ITPR2: variants seen among roughly 807,000 people sequenced by gnomAD.
ITPR2 encodes inositol 1,4,5-trisphosphate receptor type 2, also known as inositol 1,4,5-trisphosphate-gated calcium channel ITPR2.
Under a neutral mutation model 317.1 loss-of-function variants are expected in ITPR2, and 207 were observed. The ratio of observed to expected loss-of-function variants is 0.65; its 90% CI spans 0.58 to 0.73. The LOEUF (loss-of-function observed/expected upper bound fraction) is 0.73, where lower values mean the gene tolerates loss of function less well. ITPR2 is among the 30% of genes least tolerant of loss of function. The pLI is 0.00. For missense variants in ITPR2, 2,613 were observed against 3,284.0 expected, an observed-to-expected ratio of 0.80 and a Z score of 4.99; for synonymous variants, 1,156 against 1,149.1, an observed-to-expected ratio of 1.01 and a Z score of -0.12.
intron 9 of ITPR2, 24 bp downstream of exon 9, chr12:26,711,149 T>C: frequency 6.6e-7 from 1 of 1,520,622 alleles, no homozygotes; most frequent in Non-Finnish European, 9.1e-7. Context: ...AGAAACTTAA[T>C]ACCACTTTAT....
chr12:26,644,008 T>A (rs1049740018), intron 21 of ITPR2, among the ~76,000 whole-genome samples: 10 of 152,172 alleles, frequency 6.6e-5, no homozygotes, highest in African/African-American at 2.4e-4. Context: ...AGATGCTATT[T>A]ATCATGACAA....
At chr12:26,703,725 A>G (rs1249955113) in intron 9 of ITPR2, among the ~76,000 whole-genome samples, 1 of 152,210 alleles carries the variant, frequency 6.6e-6, no homozygotes, top group African/African-American at 2.4e-5. Context: ...TCTGTAAACT[A>G]AAATTATTGG....
At chr12:26,396,690 G>A (rs187253225) in intron 54 of ITPR2, among the ~76,000 whole-genome samples, 9 of 152,300 alleles carry the variant, frequency 5.9e-5, no homozygotes, top group Admixed American at 5.2e-4. Context: ...AGTCTCCAGC[G>A]AAGACTCAAT....
chr12:26,462,550 G>A (rs1375999279), intron 45 of ITPR2, among the ~76,000 whole-genome samples: 5 of 152,042 alleles, frequency 3.3e-5, no homozygotes, highest in South Asian at 2.1e-4. Flanking sequence ...TGATATTATA[G>A]TACTGGATCT....
intron 41 of ITPR2, among the ~76,000 whole-genome samples, chr12:26,484,793 G>GC (rs748211113): frequency 7.2e-5 from 11 of 152,018 alleles, no homozygotes; most frequent in Non-Finnish European, 1.5e-4. Context: ...CTCACTGCAA[G>GC]CTCCGCCTCC....
At chr12:26,471,792 GCA>G (rs922149978) in intron 45 of ITPR2, among the ~76,000 whole-genome samples, 1 of 152,200 alleles carries the variant, frequency 6.6e-6, no homozygotes, top group African/African-American at 2.4e-5. Flanking sequence ...AAACCAATTT[GCA>G]CAGTCATTTG....
At chr12:26,609,062 C>T (rs543812268) in intron 26 of ITPR2, among the ~76,000 whole-genome samples, 1 of 152,246 alleles carries the variant, frequency 6.6e-6, no homozygotes, top group East Asian at 1.9e-4. Context: ...AGGGTTATAG[C>T]TCACCCAGAC....
intron 1 of ITPR2, among the ~76,000 whole-genome samples, chr12:26,808,850 G>A (rs11048691): frequency 6.6e-6 from 1 of 152,132 alleles, no homozygotes; most frequent in Non-Finnish European, 1.5e-5. Flanking sequence ...TGTTCAAAGA[G>A]AACACACTCT....
chr12:26,379,680 G>A (rs1939447441), intron 55 of ITPR2, among the ~76,000 whole-genome samples: 1 of 152,086 alleles, frequency 6.6e-6, no homozygotes, highest in South Asian at 2.1e-4. Flanking sequence ...AACAACTGAA[G>A]GGTTAATGCC....
intron 1 of ITPR2, among the ~76,000 whole-genome samples, chr12:26,806,724 G>C (rs1950644492): frequency 6.6e-6 from 1 of 152,132 alleles, no homozygotes; most frequent in Non-Finnish European, 1.5e-5. Context: ...TCTTTTTGTA[G>C]AGACAGGGTT....
At chr12:26,425,196 A>C (rs1941021281) in intron 49 of ITPR2, among the ~76,000 whole-genome samples, 1 of 152,162 alleles carries the variant, frequency 6.6e-6, no homozygotes, top group East Asian at 1.9e-4. Flanking sequence ...ATCCTGCCTC[A>C]GCCTCCCAAA....
At chr12:26,673,056 C>T (rs370904469) in intron 13 of ITPR2, among the ~76,000 whole-genome samples, 1 of 152,294 alleles carries the variant, frequency 6.6e-6, no homozygotes, top group Non-Finnish European at 1.5e-5. Flanking sequence ...TAATCAATAG[C>T]TTACCAACCA....
intron 37 of ITPR2, among the ~76,000 whole-genome samples, chr12:26,549,232 G>C (rs181519143): frequency 1.8e-3 from 276 of 152,142 alleles, no homozygotes; most frequent in African/African-American, 6.3e-3. Flanking sequence ...CCTTTATTTT[G>C]ATCATTTGTT....
chr12:26,758,843 C>G (rs542941047), intron 2 of ITPR2, among the ~76,000 whole-genome samples: 14 of 152,298 alleles, frequency 9.2e-5, no homozygotes, highest in Admixed American at 6.5e-5. Flanking sequence ...TTTAAATGTT[C>G]TTAATTGCCA....
chr12:26,759,715 C>T (rs901926367), intron 2 of ITPR2, among the ~76,000 whole-genome samples: 13 of 152,224 alleles, frequency 8.5e-5, no homozygotes, highest in East Asian at 1.9e-4. Flanking sequence ...TTGACAAGCC[C>T]GACAACAAGG....
chr12:26,722,618 T>C, intron 4 of ITPR2, 63 bp from the exon 5 acceptor site: 2 of 1,248,280 alleles, frequency 1.6e-6, no homozygotes, highest in Non-Finnish European at 2.3e-6. Context: ...ATTACATTCA[T>C]ATGTTTTATA....
At chr12:26,654,605 G>A (rs1036073708) in intron 20 of ITPR2, among the ~76,000 whole-genome samples, 7 of 152,112 alleles carry the variant, frequency 4.6e-5, no homozygotes, top group Admixed American at 4.6e-4. Flanking sequence ...CTACCACACT[G>A]TATCAGAGTT....
intron 48 of ITPR2, among the ~76,000 whole-genome samples, chr12:26,433,341 G>C (rs1941266500): frequency 1.3e-5 from 2 of 152,102 alleles, no homozygotes; most frequent in South Asian, 4.1e-4. Context: ...TGCACCTGAT[G>C]ATAGTGCACC....
At chr12:26,589,596 G>A (rs1945631669) in intron 32 of ITPR2, among the ~76,000 whole-genome samples, 1 of 150,842 alleles carries the variant, frequency 6.6e-6, no homozygotes, top group African/African-American at 2.4e-5. Flanking sequence ...AGACCAGGGT[G>A]GCCAACATGG....
Sources: allele counts gnomAD v4.1 joint callset (sites outside exome capture counted in the v4.1 genomes callset), GRCh38; gene constraint gnomAD v4.1.1; transcripts MANE v1.5; gene names NCBI Gene and HGNC (gene_info 2026-07-23, HGNC 2026-07-21).